Variants in PARD3B observed in about 807,000 individuals in gnomAD.
The protein encoded by PARD3B is partitioning defective 3 homolog B.
In PARD3B, 103 loss-of-function variants were observed where a neutral mutation model predicts 130.2. The observed-to-expected ratio is 0.79, with a 90% CI of 0.67 to 0.93. The LOEUF is 0.93. Ranked by LOEUF, PARD3B falls within the 40% of genes least tolerant of loss-of-function variation. The probability of loss-of-function intolerance (pLI) is 0.00; values close to 1 mark genes in which losing one functional copy is unlikely to be tolerated. For missense variants in PARD3B, 1,609 were observed against 1,499.2 expected, an observed-to-expected ratio of 1.07 and a Z score of -1.21; for synonymous variants, 583 against 553.2, an observed-to-expected ratio of 1.05 and a Z score of -0.76.
intron 2 of PARD3B, among the ~76,000 whole-genome samples, chr2:204,923,790 G>T (rs2047773231): frequency 6.6e-6 from 1 of 152,022 alleles, no homozygotes; most frequent in Non-Finnish European, 1.5e-5. Context: ...TGACACAGGT[G>T]CCTATAGAGG....
chr2:204,936,261 T>C (rs1334728424), intron 2 of PARD3B, among the ~76,000 whole-genome samples: 1 of 152,270 alleles, frequency 6.6e-6, no homozygotes, highest in African/African-American at 2.4e-5. Flanking sequence ...GCGGAAACTT[T>C]GGTGACTTCT....
intron 20 of PARD3B, among the ~76,000 whole-genome samples, chr2:205,445,339 G>GCA (rs1250294488): frequency 6.6e-6 from 1 of 152,130 alleles, no homozygotes; most frequent in Non-Finnish European, 1.5e-5. Context: ...CCTGTGACTG[G>GCA]GTAATTTACA....
At chr2:205,155,427 T>C (rs2034053640) in intron 10 of PARD3B, among the ~76,000 whole-genome samples, 1 of 152,166 alleles carries the variant, frequency 6.6e-6, no homozygotes, top group Admixed American at 6.5e-5. Flanking sequence ...AAATACACTT[T>C]TAAAAATAAG....
rs146989425 is a variant in PARD3B, at chr2:205,095,755, G to A, written c.505-8671G>A. Reference sequence around the variant, plus strand: ...TTACACATTTCTACCAAAAATAAGCGATAAAACCAAACACAAACAAAAAAA... The same window carrying A: ...TTACACATTTCTACCAAAAATAAGCAATAAAACCAAACACAAACAAAAAAA... On this transcript the variant is annotated intron_variant, in intron 4 of 22. Coordinates refer to ENST00000406610, the MANE Select transcript of PARD3B (RefSeq NM_001302769.2). 3.0e-3 allele frequency among the ~76,000 whole-genome samples: 459 copies of A among 151,984 alleles called. 3 individuals are homozygous for A. Among genetic ancestry groups the A allele is most frequent in the African/African-American group, 9.7e-3 (402 of 41,496 alleles).
intron 16 of PARD3B, among the ~76,000 whole-genome samples, chr2:205,298,993 C>A (rs947886209): frequency 3.3e-5 from 5 of 152,046 alleles, no homozygotes; most frequent in African/African-American, 1.2e-4. Context: ...AAAGTAGTAC[C>A]AGTAGCACAA....
At chr2:205,372,132 ATTTT>A (rs2044843890) in intron 18 of PARD3B, among the ~76,000 whole-genome samples, 1 of 152,064 alleles carries the variant, frequency 6.6e-6, no homozygotes, top group Non-Finnish European at 1.5e-5. Context: ...TCGTGTACAA[ATTTT>A]GCATGAATAT....
At chr2:205,181,540 G>A (rs918766672) in intron 13 of PARD3B, among the ~76,000 whole-genome samples, 1 of 152,242 alleles carries the variant, frequency 6.6e-6, no homozygotes, top group Admixed American at 6.5e-5. Flanking sequence ...CCATCGTAGA[G>A]CAGAAGCACT....
intron 22 of PARD3B, among the ~76,000 whole-genome samples, chr2:205,601,273 C>T (rs1046681281): frequency 6.6e-6 from 1 of 152,132 alleles, no homozygotes; most frequent in African/African-American, 2.4e-5. Flanking sequence ...CCTTTTTTCT[C>T]ATATGTTTAT....
Position 205,146,767 on chromosome 2 carries a change from G to A in PARD3B, c.1435-11955G>A, listed in dbSNP as rs1193733619. On this transcript the variant is annotated intron_variant, in intron 10 of 22. Coordinates refer to ENST00000406610, the MANE Select transcript of PARD3B (RefSeq NM_001302769.2). The surrounding 1 kb of genome is among the most constrained non-coding windows in gnomAD (Gnocchi z 4.3). ...TTTTAAGATGGAGTCTCACTCTGTT[G>A]CCCAGGGTGGAATGCAGTGGAGCGA... 6.6e-6 allele frequency among the ~76,000 whole-genome samples: 1 copy of A among 151,728 alleles called. No individual in the cohort carries two copies. Among genetic ancestry groups the A allele is most frequent in the East Asian group, 1.9e-4 (1 of 5,156 alleles).
intron 18 of PARD3B, among the ~76,000 whole-genome samples, chr2:205,383,105 T>TAGATAGAG (rs2045521959): frequency 1.5e-5 from 2 of 136,712 alleles, no homozygotes; most frequent in South Asian, 5.1e-4. Flanking sequence ...GATAGATAGA[T>TAGATAGAG]AGATAGATAG....
chr2:205,047,676 A>C lies in PARD3B; in HGVS notation c.490A>C (p.Lys164Gln). Reference protein sequence around the residue: ...SASHPGGQSLKLVVPDSTQNL... With the variant: ...SASHPGGQSLQLVVPDSTQNL... ...TTCACACCCTGGTGGCCAGAGTCTG[A>C]AACTGGTTGTTCCAGTAGGTATCCT... Residue 164 changes from lysine (K) to glutamine (Q), a missense_variant, in exon 4 of 23, where the codon AAA (lysine) becomes CAA (glutamine). Lys to Gln is a moderately conservative substitution (Grantham distance 53, BLOSUM62 1). Transcript: ENST00000406610. 1 of 1,547,116 alleles carries C rather than the reference A, an allele frequency of 6.5e-7. No individual in the cohort carries two copies. The highest frequency in any genetic ancestry group is 8.7e-7 in the Non-Finnish European group (1 of 1,143,190).
chr2:204,713,581 C>T (rs1469888926), intron 2 of PARD3B, among the ~76,000 whole-genome samples: 1 of 152,008 alleles, frequency 6.6e-6, no homozygotes, highest in Non-Finnish European at 1.5e-5. Context: ...CCCATCAGAC[C>T]CTGGAAACCA....
chr2:204,574,919 A>T (rs895356130), intron 1 of PARD3B, among the ~76,000 whole-genome samples: 2 of 152,134 alleles, frequency 1.3e-5, no homozygotes, highest in Non-Finnish European at 2.9e-5. Flanking sequence ...AAATTTCCTT[A>T]GTTAATTGTT....
intron 1 of PARD3B, among the ~76,000 whole-genome samples, chr2:204,641,544 G>A (rs2035076876): frequency 6.6e-6 from 1 of 152,124 alleles, no homozygotes; most frequent in African/African-American, 2.4e-5. Context: ...CTGGAATGAA[G>A]TAGTAATAAT....
rs573549564 is a variant in PARD3B, at chr2:204,657,308, A to C, written c.121-28873A>C. On this transcript the variant is annotated intron_variant, in intron 1 of 22. Transcript: ENST00000406610. ...GGAAGCCAAGGCAGGAGGATTTTTGAGCTCAACCTAGGTAACATAGTGAAA... is the reference window on the plus strand; with the variant it reads ...GGAAGCCAAGGCAGGAGGATTTTTGCGCTCAACCTAGGTAACATAGTGAAA... 2.6e-5 allele frequency among the ~76,000 whole-genome samples: 4 copies of C among 152,268 alleles called. No individual in the cohort carries two copies. In the South Asian group the frequency reaches 8.3e-4, roughly 32 times the overall value.
rs1046913452 is a variant in PARD3B at position 204,610,224 on chromosome 2, C to G, written c.120+64105C>G. ...TGGCCATGAGGGACATCCATTCAGACAGTTGGGGGGCTTAGGATTTCATTT... is the reference window on the plus strand; with the variant it reads ...TGGCCATGAGGGACATCCATTCAGAGAGTTGGGGGGCTTAGGATTTCATTT... On this transcript the variant is annotated intron_variant, in intron 1 of 22. Coordinates refer to ENST00000406610, the MANE Select transcript of PARD3B (RefSeq NM_001302769.2). This position sits in a 1 kb window ranked among gnomAD's most constrained non-coding sequence, Gnocchi z 4.1. Among the ~76,000 whole-genome samples the G allele has an allele frequency of 6.6e-6, 1 of 152,146 alleles. No homozygotes were observed. Among genetic ancestry groups the G allele is most frequent in the Non-Finnish European group, 1.5e-5 (1 of 68,028 alleles).
chr2:205,089,902 A>G (rs1381345571), intron 4 of PARD3B, among the ~76,000 whole-genome samples: 2 of 152,206 alleles, frequency 1.3e-5, no homozygotes, highest in East Asian at 1.9e-4. Flanking sequence ...GTTTGATTCT[A>G]TAGAACTATC....
intron 2 of PARD3B, among the ~76,000 whole-genome samples, chr2:204,955,354 G>A (rs1284794567): frequency 6.6e-6 from 1 of 152,228 alleles, no homozygotes; most frequent in Non-Finnish European, 1.5e-5. Flanking sequence ...TGTGTAAATT[G>A]TTAAATGCAA....
intron 15 of PARD3B, among the ~76,000 whole-genome samples, chr2:205,226,302 A>G (rs1242723296): frequency 6.6e-6 from 1 of 151,986 alleles, no homozygotes. Context: ...TGGCCTCCCA[A>G]GTTCTGGGAT....
Sources: gnomAD v4.1 joint callset for allele counts (sites outside exome capture counted in the v4.1 genomes callset) on GRCh38, gnomAD v4.1.1 for gene constraint, Gnocchi (gnomAD v3.1) non-coding constraint, MANE v1.5 for transcripts, NCBI Gene and HGNC (gene_info 2026-07-23, HGNC 2026-07-21) for gene names.